Variants in GPRASP3 observed in about 807,000 individuals in gnomAD.
The protein encoded by GPRASP3 is G protein-coupled receptor associated sorting protein 3.
the GPRASP3 span, among the ~76,000 whole-genome samples, chrX:102,745,189 A>G: frequency 9.0e-6 from 1 of 110,835 alleles, no homozygotes; most frequent in African/African-American, 3.3e-5. Flanking sequence ...TCAAAGAGAG[A>G]GGACTGTTAC....
chrX:102,724,016 A>G, the GPRASP3 span, among the ~76,000 whole-genome samples: 4 of 111,709 alleles, frequency 3.6e-5, no homozygotes, highest in Non-Finnish European at 7.5e-5. Context: ...TGTCCTGTGT[A>G]TATCCTTAAA....
the GPRASP3 span, among the ~76,000 whole-genome samples, chrX:102,722,316 C>G: frequency 8.9e-6 from 1 of 111,953 alleles, no homozygotes; most frequent in Non-Finnish European, 1.9e-5. Context: ...GGATATAAAT[C>G]AAAAGCCAGA....
At chrX:102,721,585 C>T in the GPRASP3 span, among the ~76,000 whole-genome samples, 1 of 110,971 alleles carries the variant, frequency 9.0e-6, no homozygotes, top group Admixed American at 9.6e-5. Flanking sequence ...TAGGATTTCT[C>T]ATTAGGATAC....
At chrX:102,748,933 G>A in the GPRASP3 span, 3 of 1,094,063 alleles carry the variant, frequency 2.7e-6, no homozygotes, top group Admixed American at 3.0e-5. Context: ...TTAAGACTTC[G>A]ACCTAGGACA....
At chrX:102,748,829 G>A in the GPRASP3 span, 3 of 491,305 alleles carry the variant, frequency 6.1e-6, no homozygotes, top group Admixed American at 8.1e-5. Context: ...ATTGACAGAG[G>A]CTGTATGTTT....
chrX:102,746,398 C>A, the GPRASP3 span, among the ~76,000 whole-genome samples: 95 of 112,857 alleles, frequency 8.4e-4, no homozygotes, highest in Non-Finnish European at 7.0e-4. Context: ...ACCGTCAGAT[C>A]GTCTGGAGGA....
chrX:102,732,451 C>T, the GPRASP3 span, among the ~76,000 whole-genome samples: 1 of 111,729 alleles, frequency 9.0e-6, no homozygotes, highest in Non-Finnish European at 1.9e-5. Context: ...TGAAGATCAT[C>T]TGGAGCTTGA....
At chrX:102,741,342 G>A in the GPRASP3 span, among the ~76,000 whole-genome samples, 3 of 112,055 alleles carry the variant, frequency 2.7e-5, no homozygotes, top group African/African-American at 9.7e-5. Flanking sequence ...TGGGCTGCCT[G>A]CATGCAAGGT....
At chrX:102,728,233 G>A in the GPRASP3 span, among the ~76,000 whole-genome samples, 3 of 111,171 alleles carry the variant, frequency 2.7e-5, no homozygotes, top group Non-Finnish European at 5.7e-5. Context: ...AAGATTTTTT[G>A]TAGAAACAAG....
At chrX:102,748,918 G>C in the GPRASP3 span, 1 of 1,013,186 alleles carries the variant, frequency 9.9e-7, no homozygotes, top group Non-Finnish European at 1.3e-6. Flanking sequence ...CCCAGTGAAA[G>C]AGTGTTAAGA....
the GPRASP3 span, among the ~76,000 whole-genome samples, chrX:102,739,849 A>G: frequency 7.2e-5 from 8 of 111,863 alleles, no homozygotes; most frequent in African/African-American, 2.6e-4. Context: ...GGGGATATCC[A>G]CAAGGGAGCC....
At chrX:102,743,619 C>A in the GPRASP3 span, among the ~76,000 whole-genome samples, 1 of 110,297 alleles carries the variant, frequency 9.1e-6, no homozygotes, top group Non-Finnish European at 1.9e-5. Context: ...TGGTGCTGGC[C>A]ACGCCAAATG....
the GPRASP3 span, among the ~76,000 whole-genome samples, chrX:102,738,423 C>T: frequency 8.9e-6 from 1 of 112,069 alleles, no homozygotes; most frequent in East Asian, 2.8e-4. Context: ...GAACAGTGAG[C>T]CCCTGTCCAT....
At chrX:102,735,584 AT>A in the GPRASP3 span, among the ~76,000 whole-genome samples, 2 of 107,923 alleles carry the variant, frequency 1.9e-5, no homozygotes, top group African/African-American at 6.8e-5. Flanking sequence ...TTTTTTTTGT[AT>A]TTTTAGTAGA....
At chrX:102,730,258 A>G in the GPRASP3 span, among the ~76,000 whole-genome samples, 1 of 111,542 alleles carries the variant, frequency 9.0e-6, no homozygotes, top group African/African-American at 3.3e-5. Flanking sequence ...TGCTCTTATG[A>G]GAATCTAATG....
chrX:102,733,997 T>C, the GPRASP3 span, among the ~76,000 whole-genome samples: 3 of 109,713 alleles, frequency 2.7e-5, no homozygotes, highest in Non-Finnish European at 5.7e-5. Flanking sequence ...GGTTACAAGG[T>C]GCTCAGTGGG....
chrX:102,737,778 A>AG, the GPRASP3 span, among the ~76,000 whole-genome samples: 1 of 112,147 alleles, frequency 8.9e-6, no homozygotes, highest in Non-Finnish European at 1.9e-5. Context: ...TGTCCTGAGA[A>AG]GGGGGAGTAG....
the GPRASP3 span, among the ~76,000 whole-genome samples, chrX:102,722,015 C>A: frequency 8.9e-6 from 1 of 111,947 alleles, no homozygotes; most frequent in Non-Finnish European, 1.9e-5. Flanking sequence ...TCACACCAAG[C>A]AATTCTCTTA....
chrX:102,751,567 T>TG, the GPRASP3 span: 13 of 122,611 alleles, frequency 1.1e-4, no homozygotes, highest in African/African-American at 3.6e-4. Flanking sequence ...CATTTTGAGG[T>TG]GGGGGGGCCT....
Sources: allele counts gnomAD v4.1 joint callset (sites outside exome capture counted in the v4.1 genomes callset), GRCh38; gene constraint gnomAD v4.1.1; transcripts MANE v1.5; gene names NCBI Gene and HGNC (gene_info 2026-07-23, HGNC 2026-07-21).